Variants in SHTN1 observed in about 807,000 individuals in gnomAD.
SHTN1 encodes shootin-1.
A neutral mutation model predicts 83.1 loss-of-function variants in SHTN1; 42 were observed. That is an observed-to-expected ratio of 0.51 (90% CI 0.39 to 0.65). The LOEUF (loss-of-function observed/expected upper bound fraction) is 0.65. Among genes scored for constraint, SHTN1 ranks in the 30% least tolerant of loss-of-function variants. The pLI is 0.00. For synonymous variants in SHTN1, 224 were observed against 247.7 expected, an observed-to-expected ratio of 0.90 and a Z score of 0.90; for missense variants, 622 against 737.8, an observed-to-expected ratio of 0.84 and a Z score of 1.82.
intron 11 of SHTN1, among the ~76,000 whole-genome samples, chr10:116,922,184 A>G (rs1848590787): frequency 6.6e-6 from 1 of 152,194 alleles, no homozygotes; most frequent in Admixed American, 6.5e-5. Flanking sequence ...AACTCCAAAA[A>G]AGATGTCCAA....
At chr10:116,975,684 A>C (rs757652299) in intron 2 of SHTN1, among the ~76,000 whole-genome samples, 2 of 151,914 alleles carry the variant, frequency 1.3e-5, no homozygotes, top group African/African-American at 2.4e-5. Flanking sequence ...CAGTTTTCCT[A>C]AAATGGAAGA....
At chr10:117,113,477 G>A (rs1853796637) in intron 1 of SHTN1, among the ~76,000 whole-genome samples, 1 of 152,180 alleles carries the variant, frequency 6.6e-6, no homozygotes, top group Admixed American at 6.5e-5. Context: ...GCTTCTAAGT[G>A]CCCCAGGAGG....
chr10:117,085,725 G>C (rs10787756), intron 1 of SHTN1, among the ~76,000 whole-genome samples: 138,607 of 152,226 alleles, frequency 0.91, 64,463 homozygotes, highest in Non-Finnish European at 1. Flanking sequence ...GTTGAAATCA[G>C]CAACTGTAAT....
At chr10:117,009,298 A>G (rs1025304454), upstream of SHTN1, among the ~76,000 whole-genome samples, 1 of 152,174 alleles carries the variant, frequency 6.6e-6, no homozygotes, top group African/African-American at 2.4e-5. Flanking sequence ...GCAAAATTGC[A>G]GAAATAAGTC....
At chr10:116,911,752 C>CT (rs1302258143) in intron 14 of SHTN1, 38 bp downstream of exon 14, 1 of 1,580,870 alleles carries the variant, frequency 6.3e-7, no homozygotes, top group East Asian at 2.2e-5. Flanking sequence ...CCTTTCATTT[C>CT]CCCATTAGCT....
rs540178072 is a variant in SHTN1, at chr10:117,076,442, A to T, written c.-188-27932T>A. Among the ~76,000 whole-genome samples the T allele has an allele frequency of 3.9e-5, 6 of 152,298 alleles. No individual in the cohort carries two copies. In the South Asian group the frequency reaches 1.2e-3, roughly 32 times the overall value. ...CAAAGACCTCCAGATCTCCTCCATC[A>T]TTCACTTATCTCTATTCCATTCCCA... On this transcript the variant is annotated intron_variant, in intron 1 of 17. Transcript: ENST00000392901.
intron 1 of SHTN1, among the ~76,000 whole-genome samples, chr10:117,113,703 A>C (rs1013053585): frequency 2.6e-5 from 4 of 152,194 alleles, no homozygotes; most frequent in Admixed American, 6.5e-5. Context: ...CAGGCGTTCA[A>C]GACCCGCCTA....
intron 2 of SHTN1, among the ~76,000 whole-genome samples, chr10:117,029,381 T>C (rs1268410402): frequency 6.6e-6 from 1 of 152,224 alleles, no homozygotes; most frequent in Non-Finnish European, 1.5e-5. Flanking sequence ...TTTGAGTTAA[T>C]GCTGGAATGA....
chr10:116,955,100 CA>C (rs59777387), intron 4 of SHTN1, among the ~76,000 whole-genome samples: 6,115 of 87,728 alleles, frequency 0.07, 351 homozygotes, highest in African/African-American at 0.19. Flanking sequence ...TACTTCACAG[CA>C]AAAAAAAAAA....
At chr10:116,958,573 C>G (rs951321073) in intron 4 of SHTN1, among the ~76,000 whole-genome samples, 1 of 152,172 alleles carries the variant, frequency 6.6e-6, no homozygotes, top group Non-Finnish European at 1.5e-5. Flanking sequence ...CTGGGCCACA[C>G]ATCTAGAGCC....
chr10:116,974,051 G>C (rs7083142), intron 2 of SHTN1: 748,727 of 1,064,622 alleles, frequency 0.7, 271,341 homozygotes, highest in Non-Finnish European at 0.74. Flanking sequence ...TTTCTCTTTT[G>C]GTGTTCTTCT....
intron 2 of SHTN1, among the ~76,000 whole-genome samples, chr10:117,025,269 T>C (rs1468663070): frequency 3.3e-5 from 5 of 152,102 alleles, no homozygotes; most frequent in Admixed American, 6.6e-5. Context: ...TGGAGAGGGA[T>C]TGACCCAGTA....
chr10:116,998,102 A>T (rs1851693114), intron 1 of SHTN1, among the ~76,000 whole-genome samples: 2 of 152,300 alleles, frequency 1.3e-5, no homozygotes, highest in South Asian at 4.1e-4. Flanking sequence ...AAAAAAAAAG[A>T]ATCAGGGAGT....
At chr10:116,891,317 T>A (rs1450879484) in intron 16 of SHTN1, among the ~76,000 whole-genome samples, 1 of 152,220 alleles carries the variant, frequency 6.6e-6, no homozygotes, top group Non-Finnish European at 1.5e-5. Context: ...ATCTTTCAAA[T>A]CGCAACAGCT....
intron 1 of SHTN1, among the ~76,000 whole-genome samples, chr10:117,062,581 C>T (rs1852918044): frequency 1.3e-5 from 2 of 152,112 alleles, no homozygotes; most frequent in Non-Finnish European, 2.9e-5. Context: ...GCCTCAGTTA[C>T]CTTTACTCTA....
intron 1 of SHTN1, among the ~76,000 whole-genome samples, chr10:117,065,772 GAAAGA>G (rs1852978423): frequency 8.2e-5 from 3 of 36,634 alleles, no homozygotes; most frequent in African/African-American, 3.7e-4. Flanking sequence ...AAGAAAGAAA[GAAAGA>G]AAGAAAGGAA....
chr10:116,929,539 C>T (rs1306557555), intron 10 of SHTN1, among the ~76,000 whole-genome samples: 1 of 152,116 alleles, frequency 6.6e-6, no homozygotes, highest in Non-Finnish European at 1.5e-5. Flanking sequence ...ACATTCATCT[C>T]TGAAGCTCTG....
At chr10:117,109,276 T>C (rs1308337237) in intron 1 of SHTN1, among the ~76,000 whole-genome samples, 1 of 152,180 alleles carries the variant, frequency 6.6e-6, no homozygotes, top group Non-Finnish European at 1.5e-5. Flanking sequence ...GTCCATGTTG[T>C]GACTCCTGCC....
intron 1 of SHTN1, among the ~76,000 whole-genome samples, chr10:117,000,435 A>C (rs1589886216): frequency 6.6e-6 from 1 of 152,230 alleles, no homozygotes; most frequent in Non-Finnish European, 1.5e-5. Flanking sequence ...GGAAAACGAT[A>C]CTAACTCTAA....
Sources: allele counts gnomAD v4.1 joint callset (sites outside exome capture counted in the v4.1 genomes callset), GRCh38; gene constraint gnomAD v4.1.1; transcripts MANE v1.5; gene names NCBI Gene and HGNC (gene_info 2026-07-23, HGNC 2026-07-21).